Variants in IGF2R observed in about 807,000 individuals in gnomAD.
IGF2R encodes the protein insulin like growth factor 2 receptor.
IGF2R carries 91 observed loss-of-function variants against 270.6 expected under a neutral mutation model. The ratio of observed to expected loss-of-function variants is 0.34; its 90% CI spans 0.28 to 0.40. The LOEUF is 0.40. Ranked by LOEUF, IGF2R falls within the 10% of genes least tolerant of loss-of-function variation. IGF2R has a pLI of 1.00. For synonymous variants in IGF2R, 1,316 were observed against 1,258.9 expected (o/e 1.05, Z -0.96); for missense variants, 2,805 against 3,188.3 (o/e 0.88, Z 2.90).
At chr6:160,052,778 A>G (rs1181622729) in intron 19 of IGF2R, among the ~76,000 whole-genome samples, 1 of 152,186 alleles carries the variant, frequency 6.6e-6, no homozygotes, top group Non-Finnish European at 1.5e-5. Context: ...AAATAACACC[A>G]CACATCTACA....
intron 1 of IGF2R, among the ~76,000 whole-genome samples, chr6:159,973,498 G>C (rs1783642362): frequency 6.6e-6 from 1 of 152,222 alleles, no homozygotes; most frequent in Non-Finnish European, 1.5e-5. Flanking sequence ...AATGAAGCCA[G>C]CTGGGAGTTG....
At chr6:160,039,898 C>G (rs1777907965) in intron 10 of IGF2R, among the ~76,000 whole-genome samples, 1 of 152,112 alleles carries the variant, frequency 6.6e-6, no homozygotes, top group Non-Finnish European at 1.5e-5. Flanking sequence ...ATCTGGGTGG[C>G]TCACTCTTGG....
rs929463695 is a variant in IGF2R, at chr6:160,085,031, G to C, written c.6105G>C (p.Gly2035=). The C allele has an allele frequency of 5.6e-6, 9 of 1,613,948 alleles. No individual in the cohort carries two copies. The highest frequency in any genetic ancestry group is 7.6e-6 in the Non-Finnish European group (9 of 1,179,982). ...ATCTGTGCCAGAAAATATATAAAGGGCCCCTGGGCTGCTCTGAAAGGGCCA... is the reference window on the plus strand; with the variant it reads ...ATCTGTGCCAGAAAATATATAAAGGCCCCCTGGGCTGCTCTGAAAGGGCCA... ...YINLCQKIYK[G]PLGCSERASI... The change falls in exon 41 of 48, where the codon GGG becomes GGC. Residue 2035 remains glycine, a synonymous_variant. Transcript: ENST00000356956.
rs1334236281 is a variant in IGF2R at position 160,105,915 on chromosome 6, G to C, written c.*831G>C. The C allele has an allele frequency of 6.6e-6, 1 of 151,458 alleles. No homozygotes were observed. Among genetic ancestry groups the C allele is most frequent in the Non-Finnish European group, 1.5e-5 (1 of 67,920 alleles). The allele number at this position is 151,458 out of a possible 1,614,324, so 9.4% of individuals were successfully genotyped here. A position where few individuals can be genotyped will look rare whatever the true frequency, so the allele number is the denominator to read the frequency against. On this transcript the variant is annotated 3_prime_UTR_variant, in exon 48 of 48. Transcript: ENST00000356956. ...GATTGATTTGTGTGTTTGTGTGTGTGTGTGTGTGTGTGTGTGTGTGTGTGA... is the reference window on the plus strand; with the variant it reads ...GATTGATTTGTGTGTTTGTGTGTGTCTGTGTGTGTGTGTGTGTGTGTGTGA...
chr6:160,034,462 G>A lies in IGF2R; in HGVS notation c.1255G>A (p.Glu419Lys). The part of the protein sequence containing the change: ...DLTLIYFGGD[E>K]CSSGFQRMSV... The stretch of plus-strand genomic sequence containing the variant: ...CACCTTGATATATTTTGGAGGTGAT[G>A]AATGCAGCTCAGGGTTTCAGCGGAT... Residue 419 changes from glutamate (E) to lysine (K), a missense_variant, in exon 10 of 48, where the codon GAA (glutamate) becomes AAA (lysine). Transcript: ENST00000356956. 1 of 1,611,068 alleles carries A rather than the reference G, an allele frequency of 6.2e-7. No homozygotes were observed. Among genetic ancestry groups the A allele is most frequent in the African/African-American group, 1.3e-5 (1 of 75,030 alleles).
intron 1 of IGF2R, among the ~76,000 whole-genome samples, chr6:159,979,227 A>G (rs1305232910): frequency 6.6e-6 from 1 of 152,174 alleles, no homozygotes; most frequent in Admixed American, 6.5e-5. Flanking sequence ...GTACTCCAGA[A>G]TCAGTTATAC....
chr6:160,097,491 T>A (rs1418342832), intron 45 of IGF2R, among the ~76,000 whole-genome samples: 1 of 152,096 alleles, frequency 6.6e-6, no homozygotes, highest in African/African-American at 2.4e-5. Context: ...CATTATGCCC[T>A]GCTAATTTTT....
chr6:160,018,690 T>C (rs1329024274), intron 4 of IGF2R, among the ~76,000 whole-genome samples: 1 of 151,830 alleles, frequency 6.6e-6, no homozygotes, highest in South Asian at 2.1e-4. Flanking sequence ...ATACAAATAA[T>C]TGGAAATTAA....
chr6:160,018,466 C>T (rs1209019519), intron 4 of IGF2R, among the ~76,000 whole-genome samples: 2 of 152,030 alleles, frequency 1.3e-5, no homozygotes, highest in African/African-American at 2.4e-5. Flanking sequence ...TTCAGGACCA[C>T]GTAGACCTAA....
intron 10 of IGF2R, among the ~76,000 whole-genome samples, chr6:160,035,482 C>T (rs956161919): frequency 3.3e-5 from 5 of 152,184 alleles, no homozygotes; most frequent in African/African-American, 9.7e-5. Context: ...CCCCTGCGAA[C>T]GTCCTAGCAA....
chr6:159,979,540 G>T (rs1014521792), intron 1 of IGF2R, among the ~76,000 whole-genome samples: 2 of 152,214 alleles, frequency 1.3e-5, no homozygotes, highest in Admixed American at 1.3e-4. Flanking sequence ...GACTTTGCTG[G>T]ACATGCGGAG....
intron 3 of IGF2R, 74 bp downstream of exon 3, chr6:160,009,208 G>T: frequency 7.5e-7 from 1 of 1,330,880 alleles, no homozygotes; most frequent in South Asian, 1.5e-5. Flanking sequence ...TGGCTGTAGA[G>T]GTATTCCAGG....
Position 160,050,431 on chromosome 6 carries a change from A to T in IGF2R, c.2515-42A>T. The T allele has an allele frequency of 5.1e-6, 8 of 1,570,914 alleles. No individual in the cohort carries two copies. Among genetic ancestry groups the T allele is most frequent in the Non-Finnish European group, 6.1e-6 (7 of 1,150,006 alleles). On this transcript the variant is annotated intron_variant, in intron 18 of 47. Transcript: ENST00000356956. This position sits in a 1 kb window ranked among gnomAD's most constrained non-coding sequence, Gnocchi z 4.0. ...CCACCACCAATAACGAATCGACTGT[A>T]TCTTCAGGGGGAAAAGCCTAACAAG...
At chr6:160,103,716 G>A in intron 46 of IGF2R, 30 bp from the exon 47 acceptor site, 3 of 1,537,162 alleles carry the variant, frequency 2.0e-6, no homozygotes, top group Non-Finnish European at 9.0e-7. Context: ...CTCTACACTG[G>A]AGTAATTATT....
chr6:160,001,233 G>A (rs1272338985), intron 2 of IGF2R, among the ~76,000 whole-genome samples: 1 of 152,108 alleles, frequency 6.6e-6, no homozygotes, highest in African/African-American at 2.4e-5. Flanking sequence ...TGTTAGATAA[G>A]TGGCAGCAGT....
intron 4 of IGF2R, among the ~76,000 whole-genome samples, chr6:160,023,338 TTGAA>T (rs1777478715): frequency 6.6e-6 from 1 of 152,002 alleles, no homozygotes; most frequent in Non-Finnish European, 1.5e-5. Context: ...AAGCAACTGG[TTGAA>T]TGATGGTGCC....
intron 45 of IGF2R, among the ~76,000 whole-genome samples, chr6:160,097,596 C>T (rs1779393338): frequency 6.6e-6 from 1 of 152,256 alleles, no homozygotes; most frequent in East Asian, 1.9e-4. Flanking sequence ...TCCCAAAGTG[C>T]TGGCATTACA....
At chr6:160,097,903 A>G (rs151246024) in intron 45 of IGF2R, among the ~76,000 whole-genome samples, 52 of 152,320 alleles carry the variant, frequency 3.4e-4, no homozygotes, top group Admixed American at 9.1e-4. Flanking sequence ...AGGGATCCTC[A>G]GCTGCACAGT....
At chr6:160,088,176 C>A in intron 42 of IGF2R, 29 bp downstream of exon 42, 1 of 1,347,742 alleles carries the variant, frequency 7.4e-7, no homozygotes, top group Non-Finnish European at 1.1e-6. Context: ...CAGAGCGGGA[C>A]TGTGCAGTGA....
Sources: allele counts gnomAD v4.1 joint callset (sites outside exome capture counted in the v4.1 genomes callset), GRCh38; gene constraint gnomAD v4.1.1; non-coding constraint Gnocchi (gnomAD v3.1); transcripts MANE v1.5; gene names NCBI Gene and HGNC (gene_info 2026-07-23, HGNC 2026-07-21).